Variants in CITED1 observed in about 807,000 individuals in gnomAD.
CITED1 encodes cbp/p300-interacting transactivator 1.
CITED1 carries 3 observed loss-of-function variants against 8.5 expected under a neutral mutation model. The ratio of observed to expected loss-of-function variants is 0.35; its 90% CI spans 0.16 to 0.91. The LOEUF (loss-of-function observed/expected upper bound fraction) is 0.91. Ranked by LOEUF, CITED1 falls within the 40% of genes least tolerant of loss-of-function variation. The pLI is 0.46. For missense variants in CITED1, 113 were observed against 154.8 expected (o/e 0.73, Z 1.43); for synonymous variants, 54 against 67.4 (o/e 0.80, Z 0.97).
chrX:72,305,487 G>T (rs2043327882), intron 1 of CITED1: 1 of 446,597 alleles, frequency 2.2e-6, no homozygotes, highest in Non-Finnish European at 3.9e-6. Context: ...TGGAGCCGCG[G>T]AACCGGGGGC....
Position 72,302,148 on chromosome X carries a change from T to A in CITED1, c.157A>T (p.Asn53Tyr), listed in dbSNP as rs1383516253. The change falls in exon 3 of 3, where the codon AAT (asparagine) becomes TAT (tyrosine). Residue 53 changes from asparagine to tyrosine, a missense_variant. Asn to Tyr is a moderately radical substitution (Grantham distance 143). Transcript: ENST00000651998. ...AILHYPGVASNGTKASGAPTS... is the reference protein window; with the variant it reads ...AILHYPGVASYGTKASGAPTS... ...GGAGCCCCACTGGCCTTGGTTCCATTTGAGGCTACCCCAGGGTAGTGCAGA... is the reference window on the plus strand; with the variant it reads ...GGAGCCCCACTGGCCTTGGTTCCATATGAGGCTACCCCAGGGTAGTGCAGA... 5 of 1,195,094 alleles carry A rather than the reference T, an allele frequency of 4.2e-6. No individual in the cohort carries two copies. The Admixed American group carries it at 9.2e-5, about 22-fold the overall frequency.
upstream of CITED1, among the ~76,000 whole-genome samples, chrX:72,306,302 TGGCGGGCG>T (rs757184047): frequency 5.8e-5 from 6 of 104,328 alleles, no homozygotes; most frequent in African/African-American, 2.1e-4. Context: ...ACCCGAGCGC[TGGCGGGCG>T]GGCGGGCGGG....
Position 72,301,711 on chromosome X carries a change from G to A in CITED1, c.*12C>T. On this transcript the variant is annotated 3_prime_UTR_variant, in exon 3 of 3. Transcript: ENST00000651998. The stretch of plus-strand genomic sequence containing the variant: ...GGTGGCTTTATTCCTCCATCTTTAG[G>A]GACACTTGGCATTAGCAGCTAGATG... The A allele has an allele frequency of 8.3e-7, 1 of 1,206,955 alleles. No individual in the cohort carries two copies. The highest frequency in any genetic ancestry group is 1.1e-6 in the Non-Finnish European group (1 of 892,183).
Position 72,302,221 on chromosome X carries a change from G to C in CITED1, c.84C>G (p.Ser28=), listed in dbSNP as rs752002205. ...AKEDANQEMS[S]VAYSNLAVKD... ...TCACCGCAAGGTTGGAGTAGGCCAC[G>C]GAGCTCATCTCTTGGTTGGCATCCT... The change falls in exon 3 of 3, where the codon TCC becomes TCG. Residue 28 remains serine, a synonymous_variant. Coordinates refer to ENST00000651998, the MANE Select transcript of CITED1 (RefSeq NM_001144887.2). The C allele has an allele frequency of 2.5e-6, 3 of 1,206,309 alleles. No homozygotes were observed.
Position 72,302,084 on chromosome X carries a change from G to A in CITED1, c.221C>T (p.Thr74Ile), listed in dbSNP as rs763026495. 1.7e-6 allele frequency: 2 copies of A among 1,189,938 alleles called. No individual in the cohort carries two copies. The highest frequency in any genetic ancestry group is 2.3e-6 in the Non-Finnish European group (2 of 884,075). ...GGATGGGGGTTTAGTGGGAGGGGTG[G>A]TTGTAGGAGAGCCTATTGGAGATCC... Reference protein sequence around the residue: ...SSGSPIGSPTTTPPTKPPSFN... With the variant: ...SSGSPIGSPTITPPTKPPSFN... The change falls in exon 3 of 3, where the codon ACC (threonine) becomes ATC (isoleucine). Residue 74 changes from threonine (T) to isoleucine (I), a missense_variant. Physicochemically the swap from Thr to Ile is moderately conservative, Grantham distance 89. Coordinates refer to ENST00000651998, the MANE Select transcript of CITED1 (RefSeq NM_001144887.2).
chrX:72,302,278 C>T, intron 2 of CITED1, 34 bp from the exon 3 acceptor site: 1 of 1,174,774 alleles, frequency 8.5e-7, no homozygotes, highest in Non-Finnish European at 1.1e-6. Flanking sequence ...CATAGTAACC[C>T]TGCTCCTGGC....
chrX:72,306,634 C>CCCCGGGGCGCCTGGGAAAAG (rs2043342997), upstream of CITED1: 1 of 111,064 alleles, frequency 9.0e-6, no homozygotes, highest in South Asian at 3.4e-4. Context: ...GGCCACCCGA[C>CCCCGGGGCGCCTGGGAAAAG]CCCGGGGCGC....
rs751182255 is a variant in CITED1 at position 72,302,914 on chromosome X, C to T, written c.-45G>A. The T allele has an allele frequency of 8.3e-7, 1 of 1,210,797 alleles. No homozygotes were observed. On this transcript the variant is annotated 5_prime_UTR_variant, in exon 2 of 3. Transcript: ENST00000651998. ...TTGGATAAATTGGCGGGAAGTGATG[C>T]TGCCAGCTGGAGCTGTTGTGCTGCA... is the stretch of plus-strand genomic sequence containing the variant.
rs1029724528 is a variant in CITED1 at position 72,305,853 on chromosome X, A to G, written c.-94T>C. ...AGGTCACAGCGCTAGAAAGTGGCGG[A>G]GCCGGGATTCGCAGCCAGGTCTCTC... On this transcript the variant is annotated 5_prime_UTR_variant, in exon 1 of 3. Transcript: ENST00000651998. 8.8e-6 allele frequency: 1 copy of G among 113,082 alleles called. No homozygotes were observed. The allele number at this position is 113,082 out of a possible 1,213,427, so 9.3% of individuals were successfully genotyped here.
chrX:72,306,945 T>C (rs1408529771), upstream of CITED1: 3 of 109,227 alleles, frequency 2.7e-5, no homozygotes, highest in Middle Eastern at 4.7e-3. Context: ...TTCCACGTCT[T>C]TATAACCGGC....
chrX:72,305,123 C>T (rs1307125129), intron 1 of CITED1, among the ~76,000 whole-genome samples: 2 of 112,486 alleles, frequency 1.8e-5, no homozygotes, highest in Non-Finnish European at 3.8e-5. Flanking sequence ...TGCCTGGCGG[C>T]CCCCCGGCCA....
chrX:72,304,604 G>A (rs758567761), intron 1 of CITED1, among the ~76,000 whole-genome samples: 1 of 111,230 alleles, frequency 9.0e-6, no homozygotes, highest in East Asian at 2.8e-4. Flanking sequence ...TTTGCCGCTT[G>A]GTACCCGAAT....
At chrX:72,306,655 CCCGCACCGCGCCGCGCCGCCGCTGCA>C (rs1241080826), upstream of CITED1, 3 of 110,441 alleles carry the variant, frequency 2.7e-5, no homozygotes, top group Admixed American at 1.9e-4. Flanking sequence ...CTGGGAAAAG[CCCGCACCGCGCCGCGCCGCCGCTGCA>C]CCGCACAGTG....
intron 1 of CITED1, chrX:72,304,164 C>T (rs2043314365): frequency 1.0e-5 from 5 of 481,409 alleles, no homozygotes; most frequent in Non-Finnish European, 1.3e-5. Flanking sequence ...AAAAGAGTCT[C>T]TAATCTTTCC....
Position 72,301,928 on chromosome X carries a change from A to G in CITED1, c.377T>C (p.Phe126Ser). The change falls in exon 3 of 3, where the codon TTT (phenylalanine) becomes TCT (serine). Residue 126 changes from phenylalanine (F) to serine (S), a missense_variant. Transcript: ENST00000651998. ...GEAGPLQNWD[F>S]GAQAGGAESL... ...TTCTGCCCCTCCCGCCTGGGCCCCA[A>G]AGTCCCAGTTTTGCAGGGGTCCTGC... 1 of 1,212,085 alleles carries G rather than the reference A, an allele frequency of 8.3e-7. No homozygotes were observed. Among genetic ancestry groups the G allele is most frequent in the Non-Finnish European group, 1.1e-6 (1 of 895,562 alleles).
rs777932906 is a variant in CITED1 at position 72,301,925 on chromosome X, C to A, written c.380G>T (p.Gly127Val). The A allele has an allele frequency of 1.6e-6, 2 of 1,212,268 alleles. No individual in the cohort carries two copies. The highest frequency in any genetic ancestry group is 4.3e-5 in the Admixed American group (2 of 46,124). Residue 127 changes from glycine (G) to valine (V), a missense_variant, in exon 3 of 3, where the codon GGG (glycine) becomes GTG (valine). Coordinates refer to ENST00000651998, the MANE Select transcript of CITED1 (RefSeq NM_001144887.2). ...TGATTCTGCCCCTCCCGCCTGGGCC[C>A]CAAAGTCCCAGTTTTGCAGGGGTCC... ...EAGPLQNWDF[G>V]AQAGGAESLS...
chrX:72,302,859 G>A lies in CITED1; in HGVS notation c.11C>T (p.Thr4Met), dbSNP rs376477163. Residue 4 changes from threonine (T) to methionine (M), a missense_variant, in exon 2 of 3, where the codon ACG (threonine) becomes ATG (methionine). Physicochemically the swap from Thr to Met is moderately conservative, Grantham distance 81 (BLOSUM62 -1). Coordinates refer to ENST00000651998, the MANE Select transcript of CITED1 (RefSeq NM_001144887.2). MPT[T>M]SRPALDVKGG... ...CTTGACATCAAGTGCAGGCCTCGAC[G>A]TTGTTGGCATTTCAGAGCCTTGGCA... 18 of 1,210,173 alleles carry A rather than the reference G, an allele frequency of 1.5e-5. No individual in the cohort carries two copies. In the African/African-American group the frequency reaches 2.8e-4, roughly 19 times the overall value.
Position 72,305,830 on chromosome X carries a change from G to A in CITED1, c.-71C>T, listed in dbSNP as rs2043333553. 1 of 114,097 alleles carries A rather than the reference G, an allele frequency of 8.8e-6. No individual in the cohort carries two copies. The highest frequency in any genetic ancestry group is 1.8e-5 in the Non-Finnish European group (1 of 54,336). The allele number at this position is 114,097 out of a possible 1,213,427, so 9.4% of individuals were successfully genotyped here. ...GGAGAGGTGCGGTAACTTGCCCAAGGTCACAGCGCTAGAAAGTGGCGGAGC... is the reference window on the plus strand; with the variant it reads ...GGAGAGGTGCGGTAACTTGCCCAAGATCACAGCGCTAGAAAGTGGCGGAGC... On this transcript the variant is annotated 5_prime_UTR_variant, in exon 1 of 3. Coordinates refer to ENST00000651998, the MANE Select transcript of CITED1 (RefSeq NM_001144887.2).
At chrX:72,302,368 G>A in intron 2 of CITED1, 124 bp from the exon 3 acceptor site, 4 of 851,938 alleles carry the variant, frequency 4.7e-6, no homozygotes, top group Middle Eastern at 4.5e-4. Flanking sequence ...GTAGCAAGAC[G>A]ACCCCCTTGA....
Sources: allele counts gnomAD v4.1 joint callset (sites outside exome capture counted in the v4.1 genomes callset), GRCh38; gene constraint gnomAD v4.1.1; transcripts MANE v1.5; gene names NCBI Gene and HGNC (gene_info 2026-07-23, HGNC 2026-07-21).